Variants in ATP8B1 observed in about 807,000 individuals in gnomAD.
ATP8B1 encodes the protein phospholipid-transporting ATPase IC.
ATP8B1 carries 80 observed loss-of-function variants against 149.9 expected under a neutral mutation model. That is an observed-to-expected ratio of 0.53 (90% CI 0.45 to 0.64). ATP8B1 has a LOEUF of 0.64. ATP8B1 is among the 30% of genes least tolerant of loss of function. ATP8B1 has a pLI of 0.00. For missense variants in ATP8B1, 1,247 were observed against 1,552.6 expected (o/e 0.80, Z 3.31); for synonymous variants, 536 against 562.8 (o/e 0.95, Z 0.67).
chr18:57,709,804 C>T (rs1390444993), intron 2 of ATP8B1, among the ~76,000 whole-genome samples: 2 of 151,204 alleles, frequency 1.3e-5, no homozygotes, highest in African/African-American at 4.8e-5. Flanking sequence ...CTCAGCCTCC[C>T]GAGTAGCTGG....
At position 57,655,319 on chromosome 18, in the gene ATP8B1, G is replaced by C. The variant is rs780145229; in HGVS notation, c.2806C>G (p.Leu936Val). Residue 936 changes from leucine (L) to valine (V), a missense_variant, in exon 23 of 28, where the codon CTG becomes GTG. By Grantham distance (32) the Leu-to-Val change is conservative. Around this residue, in one of 3 missense-constraint regions of ATP8B1, gnomAD observed 230 missense variants for 356.6 expected, o/e 0.65. Coordinates refer to ENST00000648908, the MANE Select transcript of ATP8B1 (RefSeq NM_001374385.1). ...FAQFRYLQRL[L>V]LVHGRWSYIR... is the part of the protein sequence containing the mutation. The stretch of plus-strand genomic sequence containing the variant: ...TAAGACCATCGGCCATGCACCAGCA[G>C]TAGCCTCTGCAGATATCGGAACTGA... The C allele has an allele frequency of 2.5e-5, 41 of 1,614,050 alleles. No homozygotes were observed. In the East Asian group the frequency reaches 8.7e-4, roughly 34 times the overall value.
chr18:57,675,059 A>G lies in ATP8B1; in HGVS notation c.1631-37T>C, dbSNP rs36099370. ...GCGAGAGAAATCCCAGAAAAGCTGT[A>G]AAAACAAATGCAGAGCTCATTGTTG... On this transcript the variant is annotated intron_variant, in intron 15 of 27. Coordinates refer to ENST00000648908, the MANE Select transcript of ATP8B1 (RefSeq NM_001374385.1). The G allele has an allele frequency of 5.1e-3, 8,276 of 1,607,126 alleles. 50 individuals are homozygous for G. The highest frequency in any genetic ancestry group is 6.2e-3 in the Non-Finnish European group (7,345 of 1,176,132).
intron 15 of ATP8B1, among the ~76,000 whole-genome samples, chr18:57,680,737 T>C (rs1023761833): frequency 2.0e-5 from 3 of 151,910 alleles, no homozygotes; most frequent in Non-Finnish European, 2.9e-5. Flanking sequence ...GGCTTTGTTA[T>C]CCTTCCCAAA....
At chr18:57,719,625 A>G (rs374876332) in intron 2 of ATP8B1, among the ~76,000 whole-genome samples, 5 of 152,078 alleles carry the variant, frequency 3.3e-5, no homozygotes, top group East Asian at 1.9e-4. Context: ...ACGGAATCTC[A>G]CTGATTGCTA....
chr18:57,758,301 ATCG>A (rs2080105084), intron 1 of ATP8B1, among the ~76,000 whole-genome samples: 1 of 148,526 alleles, frequency 6.7e-6, no homozygotes, highest in African/African-American at 2.5e-5. Context: ...TTTGTTGGTA[ATCG>A]ACTTTACTGT....
chr18:57,701,240 G>T lies in ATP8B1; in HGVS notation c.467C>A (p.Ala156Glu), dbSNP rs933557076. 1 of 1,614,066 alleles carries T rather than the reference G, an allele frequency of 6.2e-7. No individual in the cohort carries two copies. Among genetic ancestry groups the T allele is most frequent in the Non-Finnish European group, 8.5e-7 (1 of 1,180,032 alleles). The change falls in exon 5 of 28, where the codon GCA becomes GAA. Residue 156 changes from alanine to glutamate, a missense_variant. Physicochemically the swap from Ala to Glu is moderately radical, Grantham distance 107 (BLOSUM62 -1). This residue lies in a region of ATP8B1 where 853 missense variants were observed against 1,035.7 expected (regional missense o/e 0.82). Transcript: ENST00000648908. ...CACATCGTCCACCAGGTCTTTGATT[G>T]CAGTGACGCCCAGCACCACAAGCAG... Reference protein sequence around the residue: ...VPLLVVLGVTAIKDLVDDVAR... With the variant: ...VPLLVVLGVTEIKDLVDDVAR...
intron 1 of ATP8B1, among the ~76,000 whole-genome samples, chr18:57,774,500 G>C (rs905961080): frequency 6.6e-6 from 1 of 152,192 alleles, no homozygotes; most frequent in Non-Finnish European, 1.5e-5. Context: ...GGTAGGCTGG[G>C]GCAGGAGAAC....
chr18:57,649,507 A>C (rs560138206), intron 27 of ATP8B1, among the ~76,000 whole-genome samples: 90 of 152,242 alleles, frequency 5.9e-4, no homozygotes, highest in African/African-American at 2.1e-3. Context: ...TTGGCACTGC[A>C]AAAGGGAGAC....
intron 2 of ATP8B1, among the ~76,000 whole-genome samples, chr18:57,709,048 G>A (rs142744294): frequency 3.7e-4 from 56 of 152,282 alleles, no homozygotes; most frequent in African/African-American, 1.3e-3. Context: ...CAATTGAACC[G>A]CAAACACGTT....
rs1474822913 is a variant in ATP8B1, at chr18:57,720,640, G to A, written c.181+10987C>T. On this transcript the variant is annotated intron_variant, in intron 2 of 27. Transcript: ENST00000648908. ...TCTGATTGGTGTACCTGAAAGTGAT[G>A]GGGAGAATGGAACCAAGTTGGAAAA... Among the ~76,000 whole-genome samples, 554 of 115,352 alleles carry A rather than the reference G, an allele frequency of 4.8e-3. 3 individuals carry two copies. The highest frequency in any genetic ancestry group is 8.0e-3 in the Non-Finnish European group (442 of 55,542). 75.7% of individuals were successfully genotyped at this position (115,352 alleles called of 152,430 possible). A position where few individuals can be genotyped will look rare whatever the true frequency, so the allele number is the denominator to read the frequency against.
intron 1 of ATP8B1, among the ~76,000 whole-genome samples, chr18:57,732,573 C>CT (rs2079797576): frequency 6.6e-6 from 1 of 150,764 alleles, no homozygotes. Context: ...TCTTTTTTTT[C>CT]TTTTTTTGAG....
intron 1 of ATP8B1, among the ~76,000 whole-genome samples, chr18:57,780,054 G>A (rs1449695061): frequency 1.3e-5 from 2 of 152,168 alleles, no homozygotes; most frequent in African/African-American, 4.8e-5. Flanking sequence ...AACTGGCCTT[G>A]AAGCCCACAT....
intron 21 of ATP8B1, among the ~76,000 whole-genome samples, chr18:57,661,837 C>T (rs535992033): frequency 1.0e-3 from 152 of 151,296 alleles, no homozygotes; most frequent in African/African-American, 3.6e-3. Flanking sequence ...GCCTCAGCCT[C>T]CCGAGTAGCC....
At chr18:57,746,489 T>C (rs2079964561) in intron 1 of ATP8B1, among the ~76,000 whole-genome samples, 1 of 142,726 alleles carries the variant, frequency 7.0e-6, no homozygotes, top group Admixed American at 6.9e-5. Flanking sequence ...TTTTTTTTTT[T>C]TTGAGACAGA....
chr18:57,701,683 G>A (rs1028711692), intron 4 of ATP8B1, among the ~76,000 whole-genome samples: 6 of 151,606 alleles, frequency 4.0e-5, no homozygotes, highest in South Asian at 2.1e-4. Flanking sequence ...GAGAAGTCTC[G>A]TCTTAACTTT....
chr18:57,752,620 CTTAGT>C (rs2080033916), intron 1 of ATP8B1, among the ~76,000 whole-genome samples: 1 of 152,090 alleles, frequency 6.6e-6, no homozygotes, highest in South Asian at 2.1e-4. Context: ...TTCGATAAAG[CTTAGT>C]TTAGTTTATT....
intron 1 of ATP8B1, among the ~76,000 whole-genome samples, chr18:57,765,773 A>G (rs2080206088): frequency 6.6e-6 from 1 of 151,906 alleles, no homozygotes; most frequent in African/African-American, 2.4e-5. Flanking sequence ...GGAGTTAGAG[A>G]CCAGTCTGGC....
intron 1 of ATP8B1, among the ~76,000 whole-genome samples, chr18:57,756,316 T>TATATATATATATA (rs1290813737): frequency 1.4e-5 from 2 of 145,018 alleles, no homozygotes; most frequent in African/African-American, 2.6e-5. Flanking sequence ...TATATATATA[T>TATATATATATATA]TTGAGACTGA....
At chr18:57,674,768 T>C in intron 16 of ATP8B1, 66 bp downstream of exon 16, 1 of 1,559,676 alleles carries the variant, frequency 6.4e-7, no homozygotes, top group Non-Finnish European at 8.8e-7. Context: ...CTGATGCCAC[T>C]CAATACAATG....
Sources: allele counts gnomAD v4.1 joint callset (sites outside exome capture counted in the v4.1 genomes callset), GRCh38; gene constraint gnomAD v4.1.1; regional missense constraint gnomAD v4.1.1; transcripts MANE v1.5; gene names NCBI Gene and HGNC (gene_info 2026-07-23, HGNC 2026-07-21).